The following ANK2 variants were observed in gnomAD, a reference collection of about 807,000 sequenced individuals.
The protein encoded by ANK2 is ankyrin 2, also known as ankyrin-2.
A neutral mutation model predicts 360.5 loss-of-function variants in ANK2; 83 were observed. That is an observed-to-expected ratio of 0.23 (90% confidence interval 0.19 to 0.28). ANK2 has a LOEUF of 0.28. Ranked by LOEUF, ANK2 falls within the 10% of genes least tolerant of loss-of-function variation. ANK2 has a pLI of 1.00. For synonymous variants in ANK2, 1,740 were observed against 1,759.5 expected (o/e 0.99, Z 0.28); for missense variants, 4,201 against 4,795.7 (o/e 0.88, Z 3.66).
At chr4:113,100,772 T>C (rs1251784324) in intron 1 of ANK2, among the ~76,000 whole-genome samples, 1 of 152,150 alleles carries the variant, frequency 6.6e-6, no homozygotes, top group Non-Finnish European at 1.5e-5. Context: ...TATTACAGTT[T>C]ACAATGGAAT....
the ANK2 span, among the ~76,000 whole-genome samples, chr4:112,760,782 G>GGTT: frequency 6.6e-6 from 1 of 150,608 alleles, no homozygotes; most frequent in Non-Finnish European, 1.5e-5. Flanking sequence ...TCCGTTAAGT[G>GGTT]GTTTTATTAT....
chr4:112,738,497 T>G, the ANK2 span, among the ~76,000 whole-genome samples: 1 of 151,906 alleles, frequency 6.6e-6, no homozygotes, highest in Non-Finnish European at 1.5e-5. Flanking sequence ...ATTTCAGTAG[T>G]TCCTTACTTA....
the ANK2 span, among the ~76,000 whole-genome samples, chr4:112,774,002 T>G: frequency 2.6e-5 from 4 of 151,830 alleles, no homozygotes; most frequent in Non-Finnish European, 5.9e-5. Flanking sequence ...GGTTTGACTA[T>G]GTTGGACAGA....
intron 2 of ANK2, among the ~76,000 whole-genome samples, chr4:112,976,487 C>T (rs2154268996): frequency 6.6e-6 from 1 of 152,260 alleles, no homozygotes; most frequent in African/African-American, 2.4e-5. Context: ...GCCGTGGCAC[C>T]CAGCCTGGTT....
At chr4:112,721,476 A>G in the ANK2 span, among the ~76,000 whole-genome samples, 1 of 128,406 alleles carries the variant, frequency 7.8e-6, no homozygotes, top group Non-Finnish European at 1.6e-5. Flanking sequence ...CAGGAGGTGG[A>G]GGTTGCAGTG....
intron 41 of ANK2, among the ~76,000 whole-genome samples, chr4:113,366,680 A>G (rs2078051873): frequency 6.6e-6 from 1 of 151,908 alleles, no homozygotes; most frequent in Admixed American, 6.6e-5. Context: ...CTCTCACTTT[A>G]TTTAGGTCAC....
chr4:112,734,091 A>G, the ANK2 span, among the ~76,000 whole-genome samples: 1 of 152,148 alleles, frequency 6.6e-6, no homozygotes, highest in African/African-American at 2.4e-5. Flanking sequence ...GATTACTTAT[A>G]TGATGTGGTG....
chr4:113,253,196 C>G (rs2047416123), intron 10 of ANK2, among the ~76,000 whole-genome samples: 1 of 152,136 alleles, frequency 6.6e-6, no homozygotes, highest in African/African-American at 2.4e-5. Context: ...TCTTTATTTA[C>G]TTTCTGGGAC....
At chr4:112,855,397 A>C (rs941146979) in intron 1 of ANK2, among the ~76,000 whole-genome samples, 3 of 152,172 alleles carry the variant, frequency 2.0e-5, no homozygotes, top group Non-Finnish European at 4.4e-5. Flanking sequence ...GGGCAGCCTA[A>C]TCTATAGCTA....
At chr4:113,045,538 A>G (rs761679530), upstream of ANK2, among the ~76,000 whole-genome samples, 1 of 152,244 alleles carries the variant, frequency 6.6e-6, no homozygotes, top group Non-Finnish European at 1.5e-5. Context: ...ACTGTGGTTG[A>G]CACTAACCTT....
chr4:112,791,913 T>C, the ANK2 span, among the ~76,000 whole-genome samples: 1 of 152,328 alleles, frequency 6.6e-6, no homozygotes, highest in East Asian at 1.9e-4. Flanking sequence ...TATATGTATA[T>C]TGGTTCTTTA....
At chr4:112,891,409 T>A (rs956662099) in intron 1 of ANK2, among the ~76,000 whole-genome samples, 1 of 152,222 alleles carries the variant, frequency 6.6e-6, no homozygotes, top group Non-Finnish European at 1.5e-5. Context: ...ATATAATTTA[T>A]TTTTCAAAAC....
intron 2 of ANK2, among the ~76,000 whole-genome samples, chr4:112,906,504 G>A (rs1179341454): frequency 6.6e-6 from 1 of 152,160 alleles, no homozygotes; most frequent in Non-Finnish European, 1.5e-5. Context: ...GCAGAAGAAG[G>A]AGAGAGATTG....
chr4:113,049,047 T>C (rs1372927217), upstream of ANK2, among the ~76,000 whole-genome samples: 1 of 152,074 alleles, frequency 6.6e-6, no homozygotes, highest in Non-Finnish European at 1.5e-5. Context: ...ACAGGTATAC[T>C]GTCAGAAGCT....
At chr4:112,846,670 T>C (rs1172942097) in intron 1 of ANK2, among the ~76,000 whole-genome samples, 1 of 152,160 alleles carries the variant, frequency 6.6e-6, no homozygotes, top group African/African-American at 2.4e-5. Flanking sequence ...CTATTTATTA[T>C]TGTGCTCCTT....
rs1554403792 is a variant in ANK2, at chr4:113,278,541, C to G, written c.1864C>G (p.Pro622Ala). ...GCTGTTACTGGAGAAGGGTGCTTCC[C>G]CTCATGCCACTGCCAAGGTGAGGAC... The part of the protein sequence containing the change: ...ALLLLEKGAS[P>A]HATAKNGYTP... Residue 622 changes from proline to alanine, a missense_variant, in exon 17 of 46, where the codon CCT (proline) becomes GCT (alanine). Pro to Ala is a conservative substitution (Grantham distance 27). This residue lies in a region of ANK2 where 1,268 missense variants were observed against 1,650.8 expected (regional missense o/e 0.77). Coordinates refer to ENST00000357077, the MANE Select transcript of ANK2 (RefSeq NM_001148.6). 3 of 1,613,910 alleles carry G rather than the reference C, an allele frequency of 1.9e-6. No homozygotes were observed. The highest frequency in any genetic ancestry group is 2.5e-6 in the Non-Finnish European group (3 of 1,179,912).
chr4:113,139,891 G>T (rs1167555612), intron 1 of ANK2, among the ~76,000 whole-genome samples: 1 of 152,128 alleles, frequency 6.6e-6, no homozygotes, highest in African/African-American at 2.4e-5. Context: ...GATGTTTGTG[G>T]GCACATGAAT....
At position 113,325,095 on chromosome 4, in the gene ANK2, A is replaced by G. The variant is rs2089012719; in HGVS notation, c.2901-5151A>G. ...TCTCACAATTTAGAAAACTTCAACA[A>G]GAGTTTCTACTTTGCATGATTGCTG... On this transcript the variant is annotated intron_variant, in intron 26 of 45. Transcript: ENST00000357077. 2.0e-5 allele frequency among the ~76,000 whole-genome samples: 3 copies of G among 152,176 alleles called. No individual in the cohort carries two copies. The South Asian group carries it at 6.2e-4, about 31-fold the overall frequency.
At chr4:113,073,490 C>G (rs1359676657) in intron 1 of ANK2, among the ~76,000 whole-genome samples, 1 of 152,076 alleles carries the variant, frequency 6.6e-6, no homozygotes, top group African/African-American at 2.4e-5. Flanking sequence ...TCAGGTGGAA[C>G]TAGGATGCCA....
Sources: gnomAD v4.1 joint callset for allele counts (sites outside exome capture counted in the v4.1 genomes callset) on GRCh38, gnomAD v4.1.1 for gene constraint, gnomAD v4.1.1 regional missense constraint, MANE v1.5 for transcripts, NCBI Gene and HGNC (gene_info 2026-07-23, HGNC 2026-07-21) for gene names.